The following WASF1 variants were observed in gnomAD, a reference collection of about 807,000 sequenced individuals.
The protein encoded by WASF1 is actin-binding protein WASF1.
Under a neutral mutation model 50.5 loss-of-function variants are expected in WASF1, and 7 were observed. The observed-to-expected ratio is 0.14, with a 90% CI of 0.08 to 0.26. WASF1 has a LOEUF of 0.26. Ranked by LOEUF, WASF1 falls within the 10% of genes least tolerant of loss-of-function variation. The pLI is 1.00. For missense variants in WASF1, 470 were observed against 694.7 expected (o/e 0.68, Z 3.64); for synonymous variants, 205 against 244.0 (o/e 0.84, Z 1.49).
chr6:110,101,537 A>C, intron 10 of WASF1, 51 bp downstream of exon 10: 1 of 1,529,570 alleles, frequency 6.5e-7, no homozygotes, highest in Non-Finnish European at 8.8e-7. Context: ...AATATTTAGA[A>C]AGTTTCCAAT....
chr6:110,145,344 T>C (rs1775504573), intron 3 of WASF1, among the ~76,000 whole-genome samples: 1 of 152,228 alleles, frequency 6.6e-6, no homozygotes, highest in African/African-American at 2.4e-5. Flanking sequence ...GCTTATCAGC[T>C]TAAGGAGATT....
In WASF1 at chr6:110,148,986, G is replaced by T. The variant is rs528789527; in HGVS notation, c.-29+11649C>A. Among the ~76,000 whole-genome samples the T allele has an allele frequency of 2.6e-5, 4 of 152,270 alleles. No individual in the cohort carries two copies. In the South Asian group the frequency reaches 8.3e-4, roughly 32 times the overall value. ...CCAAAAACTGAAAATTATTTCTAAA[G>T]CAGATCAATTATATCAATATATGAC... is the stretch of plus-strand genomic sequence containing the variant. On this transcript the variant is annotated intron_variant, in intron 3 of 10. Coordinates refer to ENST00000392589, the MANE Select transcript of WASF1 (RefSeq NM_003931.3).
chr6:110,132,532 T>C (rs1256236860), intron 3 of WASF1, among the ~76,000 whole-genome samples: 1 of 151,952 alleles, frequency 6.6e-6, no homozygotes, highest in Non-Finnish European at 1.5e-5. Context: ...AGGAAGTTCC[T>C]TTATTATTAT....
At chr6:110,103,349 T>C (rs1245153377) in intron 9 of WASF1, 29 bp downstream of exon 9, 17 of 1,600,784 alleles carry the variant, frequency 1.1e-5, no homozygotes, top group Admixed American at 1.7e-5. Context: ...ACTCCTAAGA[T>C]AAAACATCAT....
intron 3 of WASF1, among the ~76,000 whole-genome samples, chr6:110,130,478 TA>T (rs1037872841): frequency 1.3e-5 from 2 of 152,352 alleles, no homozygotes; most frequent in Non-Finnish European, 2.9e-5. Context: ...TATAGACTAA[TA>T]TGATACATAT....
rs550520648 is a variant in WASF1, at chr6:110,115,493, A to C, written c.134-2033T>G. 8.5e-5 allele frequency among the ~76,000 whole-genome samples: 13 copies of C among 152,342 alleles called. No individual in the cohort carries two copies. In the East Asian group the frequency reaches 1.2e-3, roughly 14 times the overall value. The stretch of plus-strand genomic sequence containing the variant: ...GAAGTCAGGAAGTACCTTGCCAGTA[A>C]GGGAATGTCTTTTAAAATTCTTGTG... On this transcript the variant is annotated intron_variant, in intron 4 of 10. Coordinates refer to ENST00000392589, the MANE Select transcript of WASF1 (RefSeq NM_003931.3).
At chr6:110,124,268 C>CTA (rs1774308811) in intron 4 of WASF1, among the ~76,000 whole-genome samples, 14 of 59,222 alleles carry the variant, frequency 2.4e-4, no homozygotes, top group South Asian at 7.4e-4. Context: ...CTCTCTCTCT[C>CTA]TCTCTCTATA....
chr6:110,155,410 A>G (rs1776016897), intron 3 of WASF1, among the ~76,000 whole-genome samples: 1 of 152,052 alleles, frequency 6.6e-6, no homozygotes, highest in South Asian at 2.1e-4. Flanking sequence ...TCAATAGCTT[A>G]AAGTGATGAG....
chr6:110,169,521 C>T (rs780757038), intron 2 of WASF1, among the ~76,000 whole-genome samples: 6 of 152,118 alleles, frequency 3.9e-5, no homozygotes, highest in Non-Finnish European at 5.9e-5. Context: ...CAAAAGGACA[C>T]AATACAGCCA....
At chr6:110,124,681 T>C (rs12665849) in intron 4 of WASF1, among the ~76,000 whole-genome samples, 35,322 of 151,690 alleles carry the variant, frequency 0.23, 6,247 homozygotes, top group African/African-American at 0.5. Flanking sequence ...CCGAGGCGGG[T>C]GGATCACTTG....
chr6:110,106,039 C>T (rs1773308709), intron 7 of WASF1, among the ~76,000 whole-genome samples: 1 of 152,156 alleles, frequency 6.6e-6, no homozygotes, highest in African/African-American at 2.4e-5. Context: ...ATCTAATTAA[C>T]CGATAATAAC....
intron 6 of WASF1, 95 bp downstream of exon 6, chr6:110,108,433 T>C (rs574473387): frequency 9.8e-6 from 13 of 1,329,552 alleles, no homozygotes; most frequent in East Asian, 4.7e-5. Context: ...CTGTGTTGGC[T>C]AGAACCCCAA....
At chr6:110,178,174 G>T (rs1354642809) in intron 2 of WASF1, among the ~76,000 whole-genome samples, 1 of 152,004 alleles carries the variant, frequency 6.6e-6, no homozygotes, top group East Asian at 1.9e-4. Flanking sequence ...TCAATGGAAG[G>T]CAACGATTAG....
intron 3 of WASF1, among the ~76,000 whole-genome samples, chr6:110,143,678 C>T (rs1164982247): frequency 2.6e-5 from 4 of 151,940 alleles, no homozygotes; most frequent in African/African-American, 4.8e-5. Flanking sequence ...TTAATAATTG[C>T]TTTATGGGTT....
intron 5 of WASF1, 30 bp from the exon 6 acceptor site, chr6:110,108,711 T>C: frequency 6.3e-7 from 1 of 1,588,868 alleles, no homozygotes; most frequent in Non-Finnish European, 8.6e-7. Context: ...TTCATTTTAT[T>C]TTATTTTACT....
chr6:110,104,489 T>TA (rs1186656991), intron 8 of WASF1, among the ~76,000 whole-genome samples: 1 of 152,086 alleles, frequency 6.6e-6, no homozygotes, highest in African/African-American at 2.4e-5. Context: ...TCTTTTCCAT[T>TA]AAAAAATCAT....
At chr6:110,120,956 A>G (rs1047703182) in intron 4 of WASF1, among the ~76,000 whole-genome samples, 14 of 152,220 alleles carry the variant, frequency 9.2e-5, no homozygotes, top group African/African-American at 3.4e-4. Flanking sequence ...CTATTTAATA[A>G]ATGGTGCTGG....
At chr6:110,114,741 A>G (rs538236619) in intron 4 of WASF1, among the ~76,000 whole-genome samples, 1 of 152,206 alleles carries the variant, frequency 6.6e-6, no homozygotes, top group South Asian at 2.1e-4. Context: ...GCCAAGAGGC[A>G]GCAGATGAGT....
chr6:110,101,015 G>A (rs1174629982), intron 10 of WASF1, among the ~76,000 whole-genome samples: 1 of 152,090 alleles, frequency 6.6e-6, no homozygotes, highest in African/African-American at 2.4e-5. Context: ...AAACATTGTT[G>A]AATATATTTT....
Sources: allele counts gnomAD v4.1 joint callset (sites outside exome capture counted in the v4.1 genomes callset), GRCh38; gene constraint gnomAD v4.1.1; transcripts MANE v1.5; gene names NCBI Gene and HGNC (gene_info 2026-07-23, HGNC 2026-07-21).